SORCS2: variants seen among roughly 807,000 people sequenced by gnomAD.
SORCS2 encodes the protein VPS10 domain-containing receptor SorCS2.
In SORCS2, 100 loss-of-function variants were observed where a neutral mutation model predicts 141.6. That is an observed-to-expected ratio of 0.71 (90% confidence interval 0.60 to 0.83). SORCS2 has a LOEUF of 0.83. Among genes scored for constraint, SORCS2 ranks in the 40% least tolerant of loss-of-function variants. The probability of loss-of-function intolerance (pLI) is 0.00; values close to 1 mark genes in which losing one functional copy is unlikely to be tolerated. For synonymous variants in SORCS2, 789 were observed against 676.9 expected, an observed-to-expected ratio of 1.17 and a Z score of -2.57; for missense variants, 1,646 against 1,560.2, an observed-to-expected ratio of 1.05 and a Z score of -0.93.
At chr4:7,299,638 A>G (rs1717306829) in intron 1 of SORCS2, among the ~76,000 whole-genome samples, 3 of 152,220 alleles carry the variant, frequency 2.0e-5, no homozygotes, top group Admixed American at 1.3e-4. Context: ...AGCACGTCTC[A>G]TCCCTGAAAG....
intron 2 of SORCS2, among the ~76,000 whole-genome samples, chr4:7,441,588 T>C (rs1182238419): frequency 6.6e-6 from 1 of 151,870 alleles, no homozygotes; most frequent in African/African-American, 2.4e-5. Context: ...GGGTAGAGCC[T>C]GGGAGCTACC....
At chr4:7,332,877 A>T (rs1485251877) in intron 1 of SORCS2, among the ~76,000 whole-genome samples, 1 of 152,220 alleles carries the variant, frequency 6.6e-6, no homozygotes, top group Non-Finnish European at 1.5e-5. Flanking sequence ...CCCCAGGCTT[A>T]CGTCCCAGCT....
At chr4:7,394,357 A>G (rs906464191) in intron 1 of SORCS2, among the ~76,000 whole-genome samples, 2 of 146,124 alleles carry the variant, frequency 1.4e-5, no homozygotes, top group Admixed American at 1.4e-4. Flanking sequence ...CAGCAGTAGA[A>G]GCAGACCCTG....
chr4:7,628,088 G>C (rs1427886005), intron 3 of SORCS2, among the ~76,000 whole-genome samples: 2 of 152,216 alleles, frequency 1.3e-5, no homozygotes, highest in Non-Finnish European at 2.9e-5. Flanking sequence ...AGGCAGCTTG[G>C]GGGTAGAGTC....
chr4:7,676,284 C>G, intron 9 of SORCS2, 55 bp downstream of exon 9: 1 of 1,521,348 alleles, frequency 6.6e-7, no homozygotes, highest in Non-Finnish European at 8.9e-7. Flanking sequence ...GCCCTCTGCC[C>G]TCTCACCCCA....
At position 7,453,544 on chromosome 4, in the gene SORCS2, C is replaced by G. The variant is rs572960828; in HGVS notation, c.548+57189C>G. On this transcript the variant is annotated intron_variant, in intron 2 of 26. Transcript: ENST00000507866. ...TTAGGGTCAGGCACTGTGTTGGGGT[C>G]AGGTGCTGTGTGTTGGGGTCAGCTG... 1.3e-3 allele frequency among the ~76,000 whole-genome samples: 177 copies of G among 138,504 alleles called. 1 individual carries two copies. Among genetic ancestry groups the G allele is most frequent in the Non-Finnish European group, 1.8e-4 (12 of 65,676 alleles). The allele number at this position is 138,504 out of a possible 152,430, so 90.9% of individuals were successfully genotyped here. A position where few individuals can be genotyped will look rare whatever the true frequency, so the allele number is the denominator to read the frequency against.
In SORCS2 at chr4:7,663,306, G is replaced by GTGAA. The variant is rs1184228562; in HGVS notation, c.953-1039_953-1036dup. On this transcript the variant is annotated intron_variant, in intron 6 of 26. Coordinates refer to ENST00000507866, the MANE Select transcript of SORCS2 (RefSeq NM_020777.3). The surrounding 1 kb of genome is among the most constrained non-coding windows in gnomAD (Gnocchi z 4.8). ...AGTGAGTGAGTGAATGAGTGACTGA[G>GTGAA]TGAATGAATGAGTGAGTGAGTGATT... Among the ~76,000 whole-genome samples, 1 of 151,904 alleles carries GTGAA rather than the reference G, an allele frequency of 6.6e-6. No individual in the cohort carries two copies. Among genetic ancestry groups the GTGAA allele is most frequent in the Non-Finnish European group, 1.5e-5 (1 of 67,958 alleles).
At chr4:7,470,137 A>C (rs1181496123) in intron 2 of SORCS2, among the ~76,000 whole-genome samples, 1 of 152,120 alleles carries the variant, frequency 6.6e-6, no homozygotes, top group African/African-American at 2.4e-5. Flanking sequence ...GTCCAGGGTC[A>C]AACAGTGAGT....
At chr4:7,330,562 C>G (rs1218804716) in intron 1 of SORCS2, among the ~76,000 whole-genome samples, 2 of 151,548 alleles carry the variant, frequency 1.3e-5, no homozygotes, top group Non-Finnish European at 2.9e-5. Flanking sequence ...CCTCAGCTCT[C>G]CTGGCTCCTT....
At chr4:7,305,361 G>GTTTTTTTTTTT in intron 1 of SORCS2, among the ~76,000 whole-genome samples, 1 of 137,770 alleles carries the variant, frequency 7.3e-6, no homozygotes, top group Non-Finnish European at 1.6e-5. Context: ...TTCTACTTTA[G>GTTTTTTTTTTT]TTTTTTTTTT....
At chr4:7,419,248 G>A (rs1278956379) in intron 2 of SORCS2, among the ~76,000 whole-genome samples, 1 of 152,186 alleles carries the variant, frequency 6.6e-6, no homozygotes, top group Non-Finnish European at 1.5e-5. Flanking sequence ...AGTGCTTTCT[G>A]GGGTTCAGGA....
chr4:7,301,000 G>A (rs1717392928), intron 1 of SORCS2, among the ~76,000 whole-genome samples: 1 of 152,144 alleles, frequency 6.6e-6, no homozygotes, highest in South Asian at 2.1e-4. Context: ...TGGCCCAGCT[G>A]TCTGTGAGGT....
intron 2 of SORCS2, among the ~76,000 whole-genome samples, chr4:7,473,914 C>T (rs1730134477): frequency 2.0e-5 from 3 of 152,294 alleles, no homozygotes; most frequent in African/African-American, 7.2e-5. Flanking sequence ...CACACAGCAG[C>T]CAGAGGGTGT....
At chr4:7,606,289 T>C (rs903150019) in intron 3 of SORCS2, among the ~76,000 whole-genome samples, 8 of 152,326 alleles carry the variant, frequency 5.3e-5, no homozygotes, top group African/African-American at 1.9e-4. Flanking sequence ...GAGCTAGGGT[T>C]GTTTTTAGCG....
intron 18 of SORCS2, among the ~76,000 whole-genome samples, chr4:7,722,418 C>A (rs1726653181): frequency 6.6e-6 from 1 of 152,198 alleles, no homozygotes; most frequent in Admixed American, 6.5e-5. Context: ...CCTGCAGCCT[C>A]CTTCCTAGGG....
At chr4:7,679,192 C>T (rs532578558) in intron 9 of SORCS2, among the ~76,000 whole-genome samples, 1 of 152,112 alleles carries the variant, frequency 6.6e-6, no homozygotes, top group Non-Finnish European at 1.5e-5. Flanking sequence ...AGGGGTCTCT[C>T]CCCCAGCAGG....
At chr4:7,282,411 T>C (rs1473506186) in intron 1 of SORCS2, among the ~76,000 whole-genome samples, 1 of 152,224 alleles carries the variant, frequency 6.6e-6, no homozygotes, top group Non-Finnish European at 1.5e-5. Context: ...GCCTGTATAA[T>C]ACCTTATTCA....
Position 7,734,307 on chromosome 4 carries a change from G to A in SORCS2, c.3244G>A (p.Ala1082Thr). The change falls in exon 25 of 27, where the codon GCG becomes ACG. Residue 1082 changes from alanine to threonine, a missense_variant. Ala to Thr is a moderately conservative substitution (Grantham distance 58). Transcript: ENST00000507866. The stretch of plus-strand genomic sequence containing the variant: ...GCTGGGCGGCGGTGGCGGCTACTGG[G>A]CGGTAGTGGTGCTGTTTGTCATCGG... ...EQLGGGGGYW[A>T]VVVLFVIGLF... 2.5e-6 allele frequency: 4 copies of A among 1,603,838 alleles called. No individual in the cohort carries two copies. The highest frequency in any genetic ancestry group is 3.4e-6 in the Non-Finnish European group (4 of 1,176,200).
At chr4:7,497,426 C>G (rs1397820230) in intron 2 of SORCS2, among the ~76,000 whole-genome samples, 1 of 150,808 alleles carries the variant, frequency 6.6e-6, no homozygotes, top group Non-Finnish European at 1.5e-5. Context: ...AAACCCACAC[C>G]CAGTGAAGGG....
Sources: allele counts gnomAD v4.1 joint callset (sites outside exome capture counted in the v4.1 genomes callset), GRCh38; gene constraint gnomAD v4.1.1; non-coding constraint Gnocchi (gnomAD v3.1); transcripts MANE v1.5; gene names NCBI Gene and HGNC (gene_info 2026-07-23, HGNC 2026-07-21).